Variants in FOXP2 observed in about 807,000 individuals in gnomAD.
FOXP2 encodes forkhead box P2, also known as forkhead box protein P2.
FOXP2 carries 12 observed loss-of-function variants against 115.8 expected under a neutral mutation model. The observed-to-expected ratio is 0.10, with a 90% CI of 0.07 to 0.17. FOXP2 has a LOEUF of 0.17. FOXP2 is among the 10% of genes least tolerant of loss of function. FOXP2 has a pLI of 1.00. For synonymous variants in FOXP2, 328 were observed against 297.7 expected, an observed-to-expected ratio of 1.10 and a Z score of -1.05; for missense variants, 629 against 843.5, an observed-to-expected ratio of 0.75 and a Z score of 3.15.
At chr7:114,088,821 CAATT>C (rs1488443890) in intron 1 of FOXP2, among the ~76,000 whole-genome samples, 2 of 152,130 alleles carry the variant, frequency 1.3e-5, no homozygotes, top group South Asian at 2.1e-4. Context: ...TTGTTAAACA[CAATT>C]AATTTACAAT....
chr7:114,446,806 T>G (rs1794854166), intron 2 of FOXP2, among the ~76,000 whole-genome samples: 2 of 151,058 alleles, frequency 1.3e-5, no homozygotes, highest in Non-Finnish European at 2.9e-5. Context: ...GTGCATGCAG[T>G]GGGGTGATCT....
intron 1 of FOXP2, among the ~76,000 whole-genome samples, chr7:114,425,156 G>A (rs958098959): frequency 6.6e-6 from 1 of 151,452 alleles, no homozygotes; most frequent in Non-Finnish European, 1.5e-5. Flanking sequence ...TAGGAAGCTT[G>A]CATTTGCTTT....
chr7:114,521,830 T>A (rs1429925091), intron 2 of FOXP2, among the ~76,000 whole-genome samples: 2 of 152,178 alleles, frequency 1.3e-5, no homozygotes, highest in Admixed American at 1.3e-4. Flanking sequence ...GTCATTAGTG[T>A]AAAGGTCTGT....
At chr7:114,586,934 T>C (rs926968623) in intron 3 of FOXP2, among the ~76,000 whole-genome samples, 2 of 152,192 alleles carry the variant, frequency 1.3e-5, no homozygotes, top group African/African-American at 4.8e-5. Context: ...TTTGTACTAG[T>C]AAAGGTAGTT....
intron 1 of FOXP2, among the ~76,000 whole-genome samples, chr7:114,255,414 C>G (rs970282212): frequency 6.6e-6 from 1 of 152,202 alleles, no homozygotes; most frequent in African/African-American, 2.4e-5. Flanking sequence ...GCAGGCAGGC[C>G]TCCTTCAGCT....
intron 3 of FOXP2, among the ~76,000 whole-genome samples, chr7:114,556,402 C>G (rs1193718616): frequency 1.3e-5 from 2 of 152,060 alleles, no homozygotes; most frequent in Non-Finnish European, 2.9e-5. Context: ...CTGCAGGGAT[C>G]AGAAAAGGAA....
At chr7:114,282,044 T>C (rs1045189851) in intron 1 of FOXP2, among the ~76,000 whole-genome samples, 1 of 152,186 alleles carries the variant, frequency 6.6e-6, no homozygotes, top group Non-Finnish European at 1.5e-5. Context: ...ATTTAAGTTC[T>C]CAGTGGTAAT....
chr7:114,499,085 A>G, intron 2 of FOXP2: 1 of 553,452 alleles, frequency 1.8e-6, no homozygotes, highest in Non-Finnish European at 3.2e-6. Flanking sequence ...CTCAGCAATT[A>G]CCCTGCAGGT....
intron 3 of FOXP2, among the ~76,000 whole-genome samples, chr7:114,608,927 G>A (rs1022604052): frequency 3.3e-5 from 5 of 152,026 alleles, no homozygotes; most frequent in South Asian, 4.1e-4. Flanking sequence ...AGCTGGGTGC[G>A]GTGGCTCACA....
At chr7:114,224,014 G>A (rs969697300) in intron 1 of FOXP2, among the ~76,000 whole-genome samples, 7 of 151,846 alleles carry the variant, frequency 4.6e-5, no homozygotes, top group Admixed American at 1.3e-4. Context: ...ATATTTTTGT[G>A]GATAGTGTAA....
At chr7:114,281,095 A>ATTTTTTTTTTTTTTTTTTTTTT (rs71157578) in intron 1 of FOXP2, among the ~76,000 whole-genome samples, 1 of 92,858 alleles carries the variant, frequency 1.1e-5, no homozygotes, top group Non-Finnish European at 2.0e-5. Context: ...TGCAATTTGA[A>ATTTTTTTTTTTTTTTTTTTTTT]TTTTTTTTTT....
intron 2 of FOXP2, among the ~76,000 whole-genome samples, chr7:114,458,412 A>T (rs1014200251): frequency 2.0e-5 from 3 of 152,150 alleles, no homozygotes; most frequent in African/African-American, 4.8e-5. Context: ...GGAAAAAAAA[A>T]ATCTAAGAAC....
At chr7:114,294,207 T>C (rs1382045526) in intron 2 of FOXP2, among the ~76,000 whole-genome samples, 1 of 152,178 alleles carries the variant, frequency 6.6e-6, no homozygotes, top group East Asian at 1.9e-4. Context: ...ATCATATCAA[T>C]GTTGGAGAGT....
At chr7:114,178,253 A>G (rs548154675) in intron 1 of FOXP2, among the ~76,000 whole-genome samples, 1 of 152,046 alleles carries the variant, frequency 6.6e-6, no homozygotes, top group South Asian at 2.1e-4. Flanking sequence ...TCTGGAATCC[A>G]TTACAATTCA....
At position 114,328,290 on chromosome 7, in the gene FOXP2, C is replaced by G. The variant is rs564553132; in HGVS notation, c.-11+40181C>G. Among the ~76,000 whole-genome samples, 246 of 142,982 alleles carry G rather than the reference C, an allele frequency of 1.7e-3. 2 individuals carry two copies. The highest frequency in any genetic ancestry group is 6.4e-3 in the African/African-American group (243 of 38,252). 93.8% of individuals were successfully genotyped at this position (142,982 alleles called of 152,430 possible). ...CTTGCTCTGTCGCCCAGGCTGGAGT[C>G]CAGTGGCGCGATCTCGGCTCACTGC... is the stretch of plus-strand genomic sequence containing the variant. On this transcript the variant is annotated intron_variant, in intron 2 of 17. Coordinates refer to the FOXP2 transcript ENST00000634411.
intron 16 of FOXP2, chr7:114,666,305 C>A (rs747018162): frequency 6.6e-6 from 1 of 151,862 alleles, no homozygotes; most frequent in Middle Eastern, 3.2e-3. Flanking sequence ...CAATTATAAT[C>A]AAAATTTTAA....
At chr7:114,237,915 T>G (rs1045252601) in intron 1 of FOXP2, among the ~76,000 whole-genome samples, 23 of 152,068 alleles carry the variant, frequency 1.5e-4, no homozygotes, top group African/African-American at 5.6e-4. Context: ...GCAGAGGTTA[T>G]AGTGAACAAA....
chr7:114,612,155 A>G (rs1206859429), intron 3 of FOXP2, among the ~76,000 whole-genome samples: 2 of 152,076 alleles, frequency 1.3e-5, no homozygotes, highest in Non-Finnish European at 2.9e-5. Flanking sequence ...GAAGAGAGAC[A>G]CTGGCCCCTT....
rs562235496 is a variant in FOXP2, at chr7:114,315,958, T to C, written c.-11+27849T>C. Among the ~76,000 whole-genome samples, 3 of 152,332 alleles carry C rather than the reference T, an allele frequency of 2.0e-5. No homozygotes were observed. In the East Asian group the frequency reaches 5.8e-4, roughly 29 times the overall value. ...CCCATAGGGCATATCACAACCTTTTTACACTTAGGAACACTAGTCAACACT... is the reference window on the plus strand; with the variant it reads ...CCCATAGGGCATATCACAACCTTTTCACACTTAGGAACACTAGTCAACACT... On this transcript the variant is annotated intron_variant, in intron 2 of 17. Transcript: ENST00000634411.
Sources: gnomAD v4.1 joint callset for allele counts (sites outside exome capture counted in the v4.1 genomes callset) on GRCh38, gnomAD v4.1.1 for gene constraint, MANE v1.5 for transcripts, NCBI Gene and HGNC (gene_info 2026-07-23, HGNC 2026-07-21) for gene names.